ABCA13: variants seen among roughly 807,000 people sequenced by gnomAD.
ABCA13 encodes the protein ATP-binding cassette sub-family A member 13.
Under a neutral mutation model 478.7 loss-of-function variants are expected in ABCA13, and 476 were observed. That is an observed-to-expected ratio of 0.99 (90% CI 0.92 to 1.07). The LOEUF (loss-of-function observed/expected upper bound fraction) is 1.07. ABCA13 is among the 50% of genes least tolerant of loss of function. The probability of loss-of-function intolerance (pLI) is 0.00; values close to 1 mark genes in which losing one functional copy is unlikely to be tolerated. For missense variants in ABCA13, 6,060 were observed against 5,910.6 expected (o/e 1.03, Z -0.83); for synonymous variants, 2,252 against 2,158.9 (o/e 1.04, Z -1.20).
chr7:48,478,383 A>AG (rs1289019847), intron 45 of ABCA13, among the ~76,000 whole-genome samples: 1 of 151,064 alleles, frequency 6.6e-6, no homozygotes, highest in Non-Finnish European at 1.5e-5. Flanking sequence ...TACTTATTGT[A>AG]GGGGCACAGG....
At chr7:48,456,221 T>C (rs1825655683) in intron 43 of ABCA13, among the ~76,000 whole-genome samples, 1 of 152,238 alleles carries the variant, frequency 6.6e-6, no homozygotes, top group Non-Finnish European at 1.5e-5. Flanking sequence ...TTTTGTCAAA[T>C]ATATATGCTT....
chr7:48,252,318 T>C (rs1792690541), intron 15 of ABCA13, among the ~76,000 whole-genome samples: 2 of 152,202 alleles, frequency 1.3e-5, no homozygotes, highest in South Asian at 4.1e-4. Context: ...CCAGAATTTC[T>C]GTCGGGTTCT....
Position 48,272,684 on chromosome 7 carries a change from C to T in ABCA13, c.3018C>T (p.Asn1006=). ...TCATAAAACAATTTAATTTCCAAAACATCAGTAAAGCATTTGCATTTTTAT... is the reference window on the plus strand; with the variant it reads ...TCATAAAACAATTTAATTTCCAAAATATCAGTAAAGCATTTGCATTTTTAT... ...LDIIKQFNFQ[N]ISKAFAFLFK... The change falls in exon 17 of 62, where the codon AAC becomes AAT. Residue 1006 remains asparagine, a synonymous_variant. Transcript: ENST00000435803. 2 of 1,612,510 alleles carry T rather than the reference C, an allele frequency of 1.2e-6. No homozygotes were observed. The highest frequency in any genetic ancestry group is 1.3e-5 in the African/African-American group (1 of 75,010).
At chr7:48,403,216 G>T (rs1398855529) in intron 38 of ABCA13, among the ~76,000 whole-genome samples, 2 of 152,226 alleles carry the variant, frequency 1.3e-5, no homozygotes, top group South Asian at 2.1e-4. Flanking sequence ...AATCAGGAAG[G>T]TCGGGTGATC....
chr7:48,475,420 A>C (rs1445388731), intron 45 of ABCA13, among the ~76,000 whole-genome samples: 2 of 148,312 alleles, frequency 1.3e-5, no homozygotes, highest in Non-Finnish European at 3.0e-5. Context: ...CATGTGTGCT[A>C]TCCAGCAGCC....
chr7:48,268,516 T>C (rs1432370546), intron 15 of ABCA13, among the ~76,000 whole-genome samples: 1 of 152,178 alleles, frequency 6.6e-6, no homozygotes. Context: ...CTCAAATGCC[T>C]GTGTTGATTA....
At chr7:48,255,020 G>T (rs1793169970) in intron 15 of ABCA13, among the ~76,000 whole-genome samples, 1 of 152,108 alleles carries the variant, frequency 6.6e-6, no homozygotes, top group African/African-American at 2.4e-5. Context: ...TGCCTCAGTA[G>T]CTCTCTGATG....
intron 27 of ABCA13, among the ~76,000 whole-genome samples, chr7:48,318,798 C>T (rs1270346064): frequency 6.6e-6 from 1 of 151,862 alleles, no homozygotes; most frequent in Non-Finnish European, 1.5e-5. Flanking sequence ...CATATCACAG[C>T]TCTATTTTAA....
chr7:48,484,896 T>A (rs1012838758), intron 47 of ABCA13, among the ~76,000 whole-genome samples: 3 of 152,212 alleles, frequency 2.0e-5, no homozygotes, highest in African/African-American at 7.2e-5. Context: ...TTCAAATGAT[T>A]GCATTTATCT....
Position 48,276,123 on chromosome 7 carries a change from A to T in ABCA13, c.6457A>T (p.Ser2153Cys), listed in dbSNP as rs766032057. The part of the protein sequence containing the change: ...ETLFIPVTNE[S>C]STEDIALLAK... ...ATTATTCATTCCTGTGACCAATGAG[A>T]GTTCAACTGAAGATATAGCTTTGTT... is the stretch of plus-strand genomic sequence containing the variant. The change falls in exon 17 of 62, where the codon AGT (serine) becomes TGT (cysteine). Residue 2153 changes from serine to cysteine, a missense_variant. By Grantham distance (112) the Ser-to-Cys change is moderately radical. Coordinates refer to ENST00000435803, the MANE Select transcript of ABCA13 (RefSeq NM_152701.5). 1.3e-6 allele frequency: 2 copies of T among 1,597,556 alleles called. No homozygotes were observed. The highest frequency in any genetic ancestry group is 3.4e-5 in the Admixed American group (2 of 58,096).
Position 48,309,826 on chromosome 7 carries a change from A to T in ABCA13, c.9322-121A>T, listed in dbSNP as rs1563020009. 4 of 1,059,074 alleles carry T rather than the reference A, an allele frequency of 3.8e-6. No homozygotes were observed. The East Asian group carries it at 1.0e-4, about 27-fold the overall frequency. The allele number at this position is 1,059,074 out of a possible 1,614,324, so 65.6% of individuals were successfully genotyped here. On this transcript the variant is annotated intron_variant, in intron 23 of 61. Coordinates refer to ENST00000435803, the MANE Select transcript of ABCA13 (RefSeq NM_152701.5). The stretch of plus-strand genomic sequence containing the variant: ...TTTGGGCTCCCCGCATCTGCAGGTC[A>T]GTCCCGGGAGTTGGGAAATCCACTC...
intron 35 of ABCA13, among the ~76,000 whole-genome samples, chr7:48,380,999 A>G (rs1468702523): frequency 6.6e-6 from 1 of 152,124 alleles, no homozygotes; most frequent in Non-Finnish European, 1.5e-5. Context: ...CACAGTAGTT[A>G]ATTAGAAATG....
intron 1 of ABCA13, among the ~76,000 whole-genome samples, chr7:48,191,415 T>A (rs1339132987): frequency 6.6e-6 from 1 of 152,242 alleles, no homozygotes; most frequent in Non-Finnish European, 1.5e-5. Flanking sequence ...TTTAATTTTT[T>A]AATTTGAGAC....
intron 43 of ABCA13, 103 bp from the exon 44 acceptor site, chr7:48,466,853 G>T: frequency 9.3e-7 from 1 of 1,072,976 alleles, no homozygotes; most frequent in Non-Finnish European, 1.4e-6. Flanking sequence ...AGATGGATCA[G>T]CCTGACTAGG....
Position 48,580,233 on chromosome 7 carries a change from G to A in ABCA13, c.14364G>A (p.Val4788=), listed in dbSNP as rs1388078632. The stretch of plus-strand genomic sequence containing the variant: ...CTGCTTCTCTCTGCAGAGACGCCGT[G>A]GACCTGTCTTCTGCTGGCACGGCAG... ...AIIRTPMGDA[V]DLSSAGTAGV... is the part of the protein sequence containing the mutation. Residue 4788 remains valine, a synonymous_variant, in exon 56 of 62, where the codon GTG becomes GTA. Coordinates refer to ENST00000435803, the MANE Select transcript of ABCA13 (RefSeq NM_152701.5). The A allele has an allele frequency of 2.5e-6, 4 of 1,610,162 alleles. No homozygotes were observed. Among genetic ancestry groups the A allele is most frequent in the Non-Finnish European group, 2.5e-6 (3 of 1,178,508 alleles).
At chr7:48,179,798 T>G (rs1220639995) in intron 1 of ABCA13, among the ~76,000 whole-genome samples, 1 of 152,210 alleles carries the variant, frequency 6.6e-6, no homozygotes, top group Non-Finnish European at 1.5e-5. Flanking sequence ...GCACACTCTC[T>G]CCTTCTTCAT....
At chr7:48,478,293 T>TTATATATA (rs3078321) in intron 45 of ABCA13, among the ~76,000 whole-genome samples, 1,426 of 132,796 alleles carry the variant, frequency 0.011, 14 homozygotes, top group African/African-American at 0.024. Context: ...ATATATCATT[T>TTATATATA]TATATATATA....
At chr7:48,267,289 A>G (rs889477440) in intron 15 of ABCA13, among the ~76,000 whole-genome samples, 1 of 148,090 alleles carries the variant, frequency 6.8e-6, no homozygotes, top group South Asian at 2.1e-4. Context: ...ACATTTTTCT[A>G]TTTCTTCTTA....
chr7:48,308,319 T>G (rs895258977), intron 23 of ABCA13, among the ~76,000 whole-genome samples: 3 of 152,190 alleles, frequency 2.0e-5, no homozygotes, highest in Non-Finnish European at 2.9e-5. Context: ...GGATACCTCC[T>G]GAGGGACTTG....
Sources: gnomAD v4.1 joint callset for allele counts (sites outside exome capture counted in the v4.1 genomes callset) on GRCh38, gnomAD v4.1.1 for gene constraint, MANE v1.5 for transcripts, NCBI Gene and HGNC (gene_info 2026-07-23, HGNC 2026-07-21) for gene names.